BCAT1: variants seen among roughly 807,000 people sequenced by gnomAD.
BCAT1 encodes branched-chain-amino-acid aminotransferase, cytosolic.
In BCAT1, 48 loss-of-function variants were observed where a neutral mutation model predicts 52.4. The observed-to-expected ratio is 0.92, with a 90% confidence interval of 0.73 to 1.16. The LOEUF is 1.16. Among genes scored for constraint, BCAT1 ranks in the 50% most tolerant of loss-of-function variants. The probability of loss-of-function intolerance (pLI) is 0.00; values close to 1 mark genes in which losing one functional copy is unlikely to be tolerated. For missense variants in BCAT1, 451 were observed against 457.1 expected (o/e 0.99, Z 0.12); for synonymous variants, 167 against 161.3 (o/e 1.04, Z -0.27).
chr12:24,918,326 C>T (rs1242574395), intron 1 of BCAT1, among the ~76,000 whole-genome samples: 1 of 152,176 alleles, frequency 6.6e-6, no homozygotes, highest in Non-Finnish European at 1.5e-5. Flanking sequence ...TGAATGGATG[C>T]AAGGTAACCG....
chr12:24,854,879 C>T (rs1941623555), intron 5 of BCAT1, among the ~76,000 whole-genome samples: 1 of 152,126 alleles, frequency 6.6e-6, no homozygotes, highest in Non-Finnish European at 1.5e-5. Context: ...CCCAAGATCT[C>T]CTTACTTTAA....
At chr12:24,930,797 G>A (rs1943664479) in intron 1 of BCAT1, among the ~76,000 whole-genome samples, 1 of 151,514 alleles carries the variant, frequency 6.6e-6, no homozygotes, top group Non-Finnish European at 1.5e-5. Flanking sequence ...AATTAGTTTA[G>A]TCATCCTTTA....
intron 2 of BCAT1, among the ~76,000 whole-genome samples, chr12:24,898,555 G>A (rs1188720701): frequency 5.6e-5 from 1 of 17,962 alleles, no homozygotes; most frequent in Non-Finnish European, 1.1e-4. Flanking sequence ...TTGCTCTGTT[G>A]CCCAGGCTGG....
intron 3 of BCAT1, among the ~76,000 whole-genome samples, chr12:24,890,978 G>C (rs972331401): frequency 2.0e-5 from 3 of 152,128 alleles, no homozygotes; most frequent in African/African-American, 7.2e-5. Flanking sequence ...ACTGCTTGGT[G>C]GTGGGGAGAA....
At chr12:24,827,048 G>C (rs11047663) in intron 10 of BCAT1, among the ~76,000 whole-genome samples, 1 of 152,040 alleles carries the variant, frequency 6.6e-6, no homozygotes, top group African/African-American at 2.4e-5. Flanking sequence ...GGAGTCTTTA[G>C]GTTTTTCTAG....
intron 10 of BCAT1, among the ~76,000 whole-genome samples, chr12:24,826,389 A>G (rs1223421751): frequency 2.0e-5 from 3 of 152,150 alleles, no homozygotes; most frequent in Non-Finnish European, 4.4e-5. Flanking sequence ...TTTATTGAAA[A>G]GACTGTCTTC....
chr12:24,910,753 T>C (rs539014931), intron 1 of BCAT1, among the ~76,000 whole-genome samples: 80 of 152,336 alleles, frequency 5.3e-4, no homozygotes, highest in African/African-American at 1.7e-3. Context: ...TATTTGTCAG[T>C]TCCGATGAAA....
chr12:24,883,751 T>C (rs1942573702), intron 3 of BCAT1, among the ~76,000 whole-genome samples: 1 of 151,888 alleles, frequency 6.6e-6, no homozygotes, highest in Non-Finnish European at 1.5e-5. Flanking sequence ...GCGTGGGGAG[T>C]CTTGCAGAGT....
intron 5 of BCAT1, among the ~76,000 whole-genome samples, chr12:24,871,199 G>C (rs1482711006): frequency 6.6e-6 from 1 of 152,162 alleles, no homozygotes; most frequent in African/African-American, 2.4e-5. Flanking sequence ...TCTTGGGGTG[G>C]AAGTGTAAGA....
chr12:24,856,916 C>T (rs765690411), intron 5 of BCAT1, among the ~76,000 whole-genome samples: 17 of 152,208 alleles, frequency 1.1e-4, no homozygotes, highest in Non-Finnish European at 2.1e-4. Context: ...CTTGTAACCA[C>T]GTGGGGGTAC....
intron 1 of BCAT1, among the ~76,000 whole-genome samples, chr12:24,948,202 T>C (rs1381247654): frequency 1.3e-5 from 2 of 152,250 alleles, no homozygotes; most frequent in African/African-American, 4.8e-5. Flanking sequence ...TCGGGTTTTA[T>C]ATGCGATTGC....
At chr12:24,916,698 G>A (rs1007814486) in intron 1 of BCAT1, among the ~76,000 whole-genome samples, 5 of 152,028 alleles carry the variant, frequency 3.3e-5, no homozygotes, top group Non-Finnish European at 7.4e-5. Context: ...CTGCCACCGC[G>A]CCTGGTTAAT....
In BCAT1 at chr12:24,846,185, A is replaced by G. The variant is rs115743063; in HGVS notation, c.674+3601T>C. On this transcript the variant is annotated intron_variant, in intron 6 of 10. Transcript: ENST00000261192. Reference sequence around the variant, plus strand: ...TGAGCAAGGAAAGAGGATTAAAGACAGTGACTATTTCAATGCACTGAAAAG... The same window carrying G: ...TGAGCAAGGAAAGAGGATTAAAGACGGTGACTATTTCAATGCACTGAAAAG... Among the ~76,000 whole-genome samples, 379 of 152,352 alleles carry G rather than the reference A, an allele frequency of 2.5e-3. 1 individual carries two copies. Among genetic ancestry groups the G allele is most frequent in the African/African-American group, 8.8e-3 (368 of 41,586 alleles).
chr12:24,879,362 A>G (rs925340827), intron 4 of BCAT1, among the ~76,000 whole-genome samples: 1 of 152,206 alleles, frequency 6.6e-6, no homozygotes, highest in Non-Finnish European at 1.5e-5. Context: ...AAAAGCAAAG[A>G]GCACTTTATT....
intron 1 of BCAT1, chr12:24,903,041 G>A (rs1452090848): frequency 2.1e-6 from 3 of 1,395,956 alleles, no homozygotes; most frequent in Non-Finnish European, 2.8e-6. Context: ...CACGGAGCGC[G>A]CGGCTGGAAG....
rs899902473 is a variant in BCAT1 at position 24,894,284 on chromosome 12, A to G, written c.270T>C (p.Tyr90=). Residue 90 remains tyrosine, a synonymous_variant, in exon 3 of 11, where the codon TAT becomes TAC. Coordinates refer to ENST00000261192, the MANE Select transcript of BCAT1 (RefSeq NM_005504.7). ...SLHPGSSALH[Y]AVELFEGLKA... is the part of the protein sequence containing the mutation. ...ATTCCCATGTACTTACTTCCACTGC[A>G]TAGTGCAAAGCTGATGAGCCAGGGT... 8 of 1,613,944 alleles carry G rather than the reference A, an allele frequency of 5.0e-6. No individual in the cohort carries two copies. Among genetic ancestry groups the G allele is most frequent in the African/African-American group, 1.3e-5 (1 of 75,048 alleles).
At chr12:24,869,240 G>A (rs941258700) in intron 5 of BCAT1, among the ~76,000 whole-genome samples, 6 of 152,180 alleles carry the variant, frequency 3.9e-5, no homozygotes, top group African/African-American at 1.4e-4. Flanking sequence ...AGACAGCCAA[G>A]TGGGAAGAAG....
At chr12:24,946,368 T>C (rs528425264) in intron 1 of BCAT1, among the ~76,000 whole-genome samples, 22 of 152,252 alleles carry the variant, frequency 1.4e-4, no homozygotes, top group African/African-American at 3.9e-4. Flanking sequence ...AGAGAGTATA[T>C]TGAGGTCAAA....
chr12:24,910,403 AAATAAATAAATAAATAAATAAATT>A (rs1943302760), intron 1 of BCAT1, among the ~76,000 whole-genome samples: 1 of 151,262 alleles, frequency 6.6e-6, no homozygotes, highest in Admixed American at 6.6e-5. Context: ...ATAAATAAAT[AAATAAATAAATAAATAAATAAATT>A]ATTGTTTTAA....
Sources: allele counts gnomAD v4.1 joint callset (sites outside exome capture counted in the v4.1 genomes callset), GRCh38; gene constraint gnomAD v4.1.1; transcripts MANE v1.5; gene names NCBI Gene and HGNC (gene_info 2026-07-23, HGNC 2026-07-21).